The following CDH18 variants were observed in gnomAD, a reference collection of about 807,000 sequenced individuals.
CDH18 encodes cadherin-18.
A neutral mutation model predicts 67.9 loss-of-function variants in CDH18; 31 were observed. That is an observed-to-expected ratio of 0.46 (90% CI 0.34 to 0.62). The LOEUF (loss-of-function observed/expected upper bound fraction) is 0.62. CDH18 is among the 20% of genes least tolerant of loss of function. CDH18 has a pLI of 0.01. For synonymous variants in CDH18, 362 were observed against 347.2 expected, an observed-to-expected ratio of 1.04 and a Z score of -0.48; for missense variants, 890 against 975.5, an observed-to-expected ratio of 0.91 and a Z score of 1.17.
chr5:20,238,558 GT>G (rs1208271174), intron 2 of CDH18, among the ~76,000 whole-genome samples: 4 of 152,014 alleles, frequency 2.6e-5, no homozygotes, highest in African/African-American at 9.7e-5. Context: ...AACATACCAA[GT>G]TTTGACAAAA....
chr5:19,979,052 T>C (rs889650982), intron 2 of CDH18, among the ~76,000 whole-genome samples: 1 of 152,160 alleles, frequency 6.6e-6, no homozygotes, highest in African/African-American at 2.4e-5. Context: ...ACTTCACTCA[T>C]AGAGTGAGTT....
chr5:20,240,803 G>T (rs1463264229), intron 2 of CDH18, among the ~76,000 whole-genome samples: 1 of 151,954 alleles, frequency 6.6e-6, no homozygotes, highest in African/African-American at 2.4e-5. Flanking sequence ...CTCAAGTTCT[G>T]CTTTTTATTT....
intron 3 of CDH18, among the ~76,000 whole-genome samples, chr5:19,788,142 A>G (rs1386467417): frequency 6.6e-6 from 1 of 152,032 alleles, no homozygotes; most frequent in Non-Finnish European, 1.5e-5. Context: ...AAAATTAGAC[A>G]TTGTTGTTAT....
rs547780474 is a variant in CDH18 at position 20,507,585 on chromosome 5, T to C, written c.-580+67877A>G. 3.7e-3 allele frequency among the ~76,000 whole-genome samples: 558 copies of C among 152,226 alleles called. 1 individual carries two copies. The highest frequency in any genetic ancestry group is 4.9e-3 in the Non-Finnish European group (331 of 67,996). On this transcript the variant is annotated intron_variant, in intron 1 of 14. Transcript: ENST00000507958. Reference sequence around the variant, plus strand: ...AACTGAAGAAATAATTTTGAAAAGCTTAGATATCCTCAAAGTAAAAGAAGA... The same window carrying C: ...AACTGAAGAAATAATTTTGAAAAGCCTAGATATCCTCAAAGTAAAAGAAGA...
intron 1 of CDH18, among the ~76,000 whole-genome samples, chr5:20,449,444 T>C (rs888257151): frequency 6.6e-6 from 1 of 152,078 alleles, no homozygotes. Context: ...ATATAAATGA[T>C]GTATAAATTT....
intron 6 of CDH18, 21 bp from the exon 7 acceptor site, chr5:19,591,265 A>C: frequency 6.8e-7 from 1 of 1,478,392 alleles, no homozygotes; most frequent in Non-Finnish European, 9.2e-7. Flanking sequence ...TTTCATATTA[A>C]ACATATTTAA....
At chr5:19,866,793 TA>T (rs540720006) in intron 2 of CDH18, among the ~76,000 whole-genome samples, 1 of 152,090 alleles carries the variant, frequency 6.6e-6, no homozygotes, top group East Asian at 1.9e-4. Context: ...GTTAGGGCAT[TA>T]AAAAAATGCA....
intron 1 of CDH18, among the ~76,000 whole-genome samples, chr5:20,291,982 CTGTCA>C (rs969290239): frequency 1.3e-5 from 2 of 152,158 alleles, no homozygotes; most frequent in Admixed American, 1.3e-4. Context: ...AGCCTCTCCT[CTGTCA>C]TGTCATCATG....
chr5:20,419,954 A>AAAT (rs1349754883), intron 1 of CDH18, among the ~76,000 whole-genome samples: 1 of 151,158 alleles, frequency 6.6e-6, no homozygotes, highest in African/African-American at 2.5e-5. Flanking sequence ...CAATCTCATT[A>AAAT]AATAATAACT....
intron 2 of CDH18, among the ~76,000 whole-genome samples, chr5:20,171,095 C>G (rs936444620): frequency 6.6e-6 from 1 of 151,636 alleles, no homozygotes; most frequent in African/African-American, 2.4e-5. Context: ...ATATGTACCA[C>G]ATTTTCTTTA....
chr5:19,782,663 T>G (rs192728891), intron 3 of CDH18, among the ~76,000 whole-genome samples: 1 of 152,294 alleles, frequency 6.6e-6, no homozygotes, highest in African/African-American at 2.4e-5. Flanking sequence ...GCACTTAGAC[T>G]TATTTATGCT....
chr5:20,413,324 C>T lies in CDH18; in HGVS notation c.-579-157819G>A, dbSNP rs537327767. Among the ~76,000 whole-genome samples, 7 of 152,240 alleles carry T rather than the reference C, an allele frequency of 4.6e-5. No individual in the cohort carries two copies. In the South Asian group the frequency reaches 1.2e-3, roughly 27 times the overall value. On this transcript the variant is annotated intron_variant, in intron 1 of 14. Transcript: ENST00000507958. ...TGATTTGTAATCATTTGGGTATATA[C>T]CCAGTAATGGGATGGCTGGGTCAAA...
At chr5:20,085,213 T>G (rs1337646184) in intron 2 of CDH18, among the ~76,000 whole-genome samples, 1 of 152,148 alleles carries the variant, frequency 6.6e-6, no homozygotes, top group East Asian at 1.9e-4. Context: ...TCTCTCAAGT[T>G]CAAAGTTCCA....
chr5:19,811,139 A>G (rs1345411602), intron 3 of CDH18, among the ~76,000 whole-genome samples: 1 of 118,860 alleles, frequency 8.4e-6, no homozygotes, highest in African/African-American at 3.3e-5. Context: ...AGAAAGAAAG[A>G]AAGAAAGAAA....
At chr5:19,799,305 A>G (rs1000615745) in intron 3 of CDH18, among the ~76,000 whole-genome samples, 2 of 152,110 alleles carry the variant, frequency 1.3e-5, no homozygotes, top group Non-Finnish European at 2.9e-5. Flanking sequence ...TTCAATGGGT[A>G]TAAAGTTTTC....
intron 1 of CDH18, among the ~76,000 whole-genome samples, chr5:20,384,873 G>T (rs1744189024): frequency 6.6e-6 from 1 of 152,018 alleles, no homozygotes. Context: ...GTCTCACTCT[G>T]CCATCCAGGC....
At chr5:20,066,400 A>C (rs1405331587) in intron 2 of CDH18, among the ~76,000 whole-genome samples, 1 of 152,052 alleles carries the variant, frequency 6.6e-6, no homozygotes, top group African/African-American at 2.4e-5. Flanking sequence ...ATTTAAGTGC[A>C]TTTATTACTT....
intron 1 of CDH18, among the ~76,000 whole-genome samples, chr5:20,542,794 A>G (rs1757125613): frequency 6.6e-6 from 1 of 151,900 alleles, no homozygotes; most frequent in African/African-American, 2.4e-5. Context: ...AGAGTCTTTT[A>G]TTTGTCCATG....
chr5:19,528,632 CA>C (rs1748120683), intron 9 of CDH18, among the ~76,000 whole-genome samples: 1 of 151,830 alleles, frequency 6.6e-6, no homozygotes, highest in Non-Finnish European at 1.5e-5. Flanking sequence ...TTAACACCAC[CA>C]TTCTTGTAAA....
Sources: allele counts gnomAD v4.1 joint callset (sites outside exome capture counted in the v4.1 genomes callset), GRCh38; gene constraint gnomAD v4.1.1; transcripts MANE v1.5; gene names NCBI Gene and HGNC (gene_info 2026-07-23, HGNC 2026-07-21).